Variants in AK4 observed in about 807,000 individuals in gnomAD.
The protein encoded by AK4 is adenylate kinase 4, mitochondrial.
AK4 carries 13 observed loss-of-function variants against 24.6 expected under a neutral mutation model. The ratio of observed to expected loss-of-function variants is 0.53; its 90% CI spans 0.34 to 0.84. AK4 has a LOEUF of 0.84. Among genes scored for constraint, AK4 ranks in the 40% least tolerant of loss-of-function variants. The pLI is 0.01. For missense variants in AK4, 192 were observed against 288.2 expected, an observed-to-expected ratio of 0.67 and a Z score of 2.42; for synonymous variants, 88 against 107.0, an observed-to-expected ratio of 0.82 and a Z score of 1.10.
chr1:65,205,943 G>A (rs1008340729), intron 2 of AK4, among the ~76,000 whole-genome samples: 4 of 152,112 alleles, frequency 2.6e-5, no homozygotes, highest in African/African-American at 9.7e-5. Context: ...CCATGCACCT[G>A]TGCTGTGGGC....
chr1:65,208,672 T>C (rs1651880904), intron 2 of AK4, among the ~76,000 whole-genome samples: 1 of 152,214 alleles, frequency 6.6e-6, no homozygotes, highest in African/African-American at 2.4e-5. Context: ...ATGTTGGAAG[T>C]TGCCCTTCTG....
chr1:65,197,174 G>A (rs565385623), intron 2 of AK4, among the ~76,000 whole-genome samples: 1 of 151,956 alleles, frequency 6.6e-6, no homozygotes, highest in African/African-American at 2.4e-5. Flanking sequence ...CAGGCCAGCA[G>A]TGAGGTATAG....
chr1:65,185,634 T>TC (rs1651071834), intron 1 of AK4, among the ~76,000 whole-genome samples: 1 of 151,460 alleles, frequency 6.6e-6, no homozygotes, highest in African/African-American at 2.4e-5. Flanking sequence ...CTTTTTTTTT[T>TC]TTTTTTTGAG....
chr1:65,200,202 G>A (rs1458441210), intron 2 of AK4, among the ~76,000 whole-genome samples: 1 of 151,872 alleles, frequency 6.6e-6, no homozygotes, highest in East Asian at 1.9e-4. Context: ...CAACCTCTGC[G>A]TCACGGGCTC....
intron 1 of AK4, among the ~76,000 whole-genome samples, chr1:65,155,398 A>C (rs1649944565): frequency 6.6e-6 from 1 of 152,102 alleles, no homozygotes; most frequent in Non-Finnish European, 1.5e-5. Context: ...GCTTGAATCC[A>C]GGAGGCAGAG....
chr1:65,173,029 A>T (rs979703725), intron 1 of AK4, among the ~76,000 whole-genome samples: 7 of 151,748 alleles, frequency 4.6e-5, no homozygotes, highest in Non-Finnish European at 7.4e-5. Context: ...AGCCTGGCTA[A>T]TTTTCTGCAT....
chr1:65,185,047 G>C (rs1390003026), intron 1 of AK4, among the ~76,000 whole-genome samples: 1 of 152,138 alleles, frequency 6.6e-6, no homozygotes, highest in African/African-American at 2.4e-5. Flanking sequence ...ACTTGGGGTC[G>C]TACTGCTTGT....
chr1:65,148,193 C>G, upstream of AK4: 1 of 1,004,358 alleles, frequency 1.0e-6, no homozygotes, highest in Non-Finnish European at 1.4e-6. Context: ...GGAGGTGTAG[C>G]GTGGCGCTCA....
chr1:65,207,992 G>A (rs546965432), intron 2 of AK4, among the ~76,000 whole-genome samples: 2 of 152,194 alleles, frequency 1.3e-5, no homozygotes, highest in African/African-American at 4.8e-5. Context: ...ATGGTGAATA[G>A]TACTGTGATG....
At chr1:65,220,197 C>G (rs183221602) in intron 3 of AK4, among the ~76,000 whole-genome samples, 1 of 152,284 alleles carries the variant, frequency 6.6e-6, no homozygotes, top group African/African-American at 2.4e-5. Context: ...CAAATATTCA[C>G]GTGCAGAGTT....
At chr1:65,170,056 C>G (rs561744086) in intron 1 of AK4, among the ~76,000 whole-genome samples, 1 of 152,086 alleles carries the variant, frequency 6.6e-6, no homozygotes, top group Non-Finnish European at 1.5e-5. Flanking sequence ...TAGGTTGCGT[C>G]AGAGTCCCAA....
chr1:65,197,212 T>A (rs200345730), intron 2 of AK4, among the ~76,000 whole-genome samples: 2 of 39,728 alleles, frequency 5.0e-5, no homozygotes, highest in African/African-American at 3.1e-3. Context: ...TTAGTAACTG[T>A]TTTTTTTCGT....
At chr1:65,187,504 G>A (rs903098190) in intron 1 of AK4, among the ~76,000 whole-genome samples, 6 of 152,110 alleles carry the variant, frequency 3.9e-5, no homozygotes, top group Non-Finnish European at 5.9e-5. Context: ...TGAAATTAGG[G>A]AGTGGTGATG....
At chr1:65,155,333 C>T (rs2100983623) in intron 1 of AK4, among the ~76,000 whole-genome samples, 1 of 152,092 alleles carries the variant, frequency 6.6e-6, no homozygotes, top group South Asian at 2.1e-4. Flanking sequence ...ATTAGCTGGG[C>T]TTGGTGGCGT....
Position 65,176,270 on chromosome 1 carries a change from A to ATGC in AK4, c.146-14439_146-14438insGCT, listed in dbSNP as rs1246003725. 6.6e-5 allele frequency among the ~76,000 whole-genome samples: 10 copies of ATGC among 152,160 alleles called. No individual in the cohort carries two copies. In the East Asian group the frequency reaches 1.4e-3, roughly 21 times the overall value. ...GTCCATGCATCTTTTTATCTTGGCT[A>ATGC]TTATAGAAGCATACCCACTGCCAAC... On this transcript the variant is annotated intron_variant, in intron 1 of 4. Coordinates refer to ENST00000327299, the MANE Select transcript of AK4 (RefSeq NM_013410.4).
At chr1:65,158,079 T>C (rs1455424938) in intron 1 of AK4, among the ~76,000 whole-genome samples, 5 of 152,288 alleles carry the variant, frequency 3.3e-5, no homozygotes, top group Middle Eastern at 3.4e-3. Context: ...TCTAATGATA[T>C]TGTCAAAGGA....
chr1:65,184,884 A>G (rs1651044083), intron 1 of AK4, among the ~76,000 whole-genome samples: 1 of 152,144 alleles, frequency 6.6e-6, no homozygotes, highest in Admixed American at 6.5e-5. Flanking sequence ...GACAAGTTTG[A>G]TCTTGTATCA....
intron 1 of AK4, among the ~76,000 whole-genome samples, chr1:65,174,354 G>A (rs573662816): frequency 1.3e-5 from 2 of 152,042 alleles, no homozygotes; most frequent in African/African-American, 4.8e-5. Context: ...CAAGGAACTC[G>A]TTTTCTTAAT....
chr1:65,154,017 G>T (rs988501850), intron 1 of AK4, among the ~76,000 whole-genome samples: 1 of 152,210 alleles, frequency 6.6e-6, no homozygotes, highest in African/African-American at 2.4e-5. Flanking sequence ...TTTATTCCAA[G>T]GGCACTGGAA....
Sources: allele counts gnomAD v4.1 joint callset (sites outside exome capture counted in the v4.1 genomes callset), GRCh38; gene constraint gnomAD v4.1.1; transcripts MANE v1.5; gene names NCBI Gene and HGNC (gene_info 2026-07-23, HGNC 2026-07-21).